Variants in ATP1B1 observed in about 807,000 individuals in gnomAD.
ATP1B1 encodes sodium/potassium-transporting ATPase subunit beta-1.
A neutral mutation model predicts 39.6 loss-of-function variants in ATP1B1; 3 were observed. The observed-to-expected ratio is 0.08, with a 90% confidence interval of 0.03 to 0.20. ATP1B1 has a LOEUF of 0.20. Among genes scored for constraint, ATP1B1 ranks in the 10% least tolerant of loss-of-function variants. The probability of loss-of-function intolerance (pLI) is 1.00; values close to 1 mark genes in which losing one functional copy is unlikely to be tolerated. For synonymous variants in ATP1B1, 139 were observed against 135.0 expected, an observed-to-expected ratio of 1.03 and a Z score of -0.20; for missense variants, 216 against 371.1, an observed-to-expected ratio of 0.58 and a Z score of 3.43.
At chr1:169,123,148 A>G (rs1320076863) in intron 2 of ATP1B1, among the ~76,000 whole-genome samples, 1 of 152,190 alleles carries the variant, frequency 6.6e-6, no homozygotes, top group East Asian at 1.9e-4. Context: ...GCTGCACTCT[A>G]GTTATCACTT....
chr1:169,116,846 C>T (rs1217276458), intron 2 of ATP1B1, among the ~76,000 whole-genome samples: 1 of 150,596 alleles, frequency 6.6e-6, no homozygotes, highest in Non-Finnish European at 1.5e-5. Flanking sequence ...AGCAAGACTC[C>T]ATCTAAAAAA....
chr1:169,118,426 T>C (rs1166187641), intron 2 of ATP1B1, among the ~76,000 whole-genome samples: 1 of 152,192 alleles, frequency 6.6e-6, no homozygotes, highest in African/African-American at 2.4e-5. Context: ...CTTGCTAATC[T>C]CAGAGCCTGA....
Position 169,116,210 on chromosome 1 carries a change from A to G in ATP1B1, c.226+4712A>G, listed in dbSNP as rs560371617. Among the ~76,000 whole-genome samples the G allele has an allele frequency of 1.2e-4, 19 of 152,306 alleles. 1 individual carries two copies. The South Asian group carries it at 3.9e-3, about 32-fold the overall frequency. On this transcript the variant is annotated intron_variant, in intron 2 of 5. Coordinates refer to ENST00000367815, the MANE Select transcript of ATP1B1 (RefSeq NM_001677.4). ...GAAAAGTCTCTTCTTCACATCCGCC[A>G]TTGCCCTTCCCCCACCTCAGGCTCA...
At chr1:169,125,366 T>C (rs2101789881) in intron 3 of ATP1B1, among the ~76,000 whole-genome samples, 1 of 152,328 alleles carries the variant, frequency 6.6e-6, no homozygotes, top group East Asian at 1.9e-4. Context: ...TATTTCCTTA[T>C]CTTCCCCCAA....
intron 2 of ATP1B1, among the ~76,000 whole-genome samples, chr1:169,121,557 G>C (rs1317253915): frequency 6.6e-6 from 1 of 152,132 alleles, no homozygotes; most frequent in Non-Finnish European, 1.5e-5. Flanking sequence ...CTGAGAAATG[G>C]CATCACTATT....
intron 2 of ATP1B1, among the ~76,000 whole-genome samples, chr1:169,112,047 T>C (rs568302651): frequency 7.9e-5 from 12 of 152,346 alleles, no homozygotes; most frequent in African/African-American, 2.6e-4. Context: ...TCCCACCTGC[T>C]GTTAATTTGC....
chr1:169,125,089 C>T, intron 3 of ATP1B1, 50 bp downstream of exon 3: 7 of 1,525,706 alleles, frequency 4.6e-6, no homozygotes, highest in Non-Finnish European at 6.2e-6. Flanking sequence ...TTCTCTTTAA[C>T]TCTTATTTCC....
rs527987469 is a variant in ATP1B1 at position 169,116,711 on chromosome 1, C to T, written c.226+5213C>T. Among the ~76,000 whole-genome samples the T allele has an allele frequency of 1.4e-4, 21 of 152,068 alleles. 1 individual carries two copies. The South Asian group carries it at 4.0e-3, about 29-fold the overall frequency. Reference sequence around the variant, plus strand: ...ACTAAAAATACAAAACTTAGCTAGGCGTGATGGCAGGCACCTCTAATCCCA... The same window carrying T: ...ACTAAAAATACAAAACTTAGCTAGGTGTGATGGCAGGCACCTCTAATCCCA... On this transcript the variant is annotated intron_variant, in intron 2 of 5. Coordinates refer to ENST00000367815, the MANE Select transcript of ATP1B1 (RefSeq NM_001677.4).
At chr1:169,109,895 G>C (rs535455970) in intron 1 of ATP1B1, among the ~76,000 whole-genome samples, 1 of 152,022 alleles carries the variant, frequency 6.6e-6, no homozygotes, top group East Asian at 1.9e-4. Flanking sequence ...ATCTCTTGAC[G>C]TCACAGCGTT....
intron 1 of ATP1B1, among the ~76,000 whole-genome samples, chr1:169,109,319 T>C (rs1385800503): frequency 6.6e-6 from 1 of 152,186 alleles, no homozygotes; most frequent in Non-Finnish European, 1.5e-5. Flanking sequence ...CTCTGAAGCC[T>C]CTCAGCTCCC....
Position 169,123,611 on chromosome 1 carries a change from CTCTA to C in ATP1B1, c.227-1259_227-1256del, listed in dbSNP as rs553979831. ...TATATATATATATATTTATATATAT[CTCTA>C]TCTATCTATCTATATATATAGGTTT... is the stretch of plus-strand genomic sequence containing the variant. On this transcript the variant is annotated intron_variant, in intron 2 of 5. Coordinates refer to ENST00000367815, the MANE Select transcript of ATP1B1 (RefSeq NM_001677.4). Among the ~76,000 whole-genome samples, 81 of 150,032 alleles carry C rather than the reference CTCTA, an allele frequency of 5.4e-4. 1 individual carries two copies. In the East Asian group the frequency reaches 0.013, roughly 24 times the overall value.
chr1:169,119,891 A>G (rs901795368), intron 2 of ATP1B1, among the ~76,000 whole-genome samples: 8 of 151,986 alleles, frequency 5.3e-5, no homozygotes, highest in Admixed American at 3.9e-4. Flanking sequence ...TGATAATCCT[A>G]AAGTAAATGA....
At chr1:169,123,228 A>G (rs1658018118) in intron 2 of ATP1B1, among the ~76,000 whole-genome samples, 1 of 152,182 alleles carries the variant, frequency 6.6e-6, no homozygotes. Context: ...AATTCCCTAG[A>G]GAAGCAGTTG....
chr1:169,110,966 C>T (rs1479154898), intron 1 of ATP1B1, among the ~76,000 whole-genome samples: 2 of 152,156 alleles, frequency 1.3e-5, no homozygotes, highest in East Asian at 3.8e-4. Flanking sequence ...AAACATAGGT[C>T]TCTAAGGGAG....
chr1:169,129,723 A>G (rs1034817161), intron 4 of ATP1B1, among the ~76,000 whole-genome samples: 8 of 152,388 alleles, frequency 5.2e-5, no homozygotes, highest in African/African-American at 1.9e-4. Flanking sequence ...GTCTTTAAGC[A>G]AAGCTTATAA....
intron 2 of ATP1B1, among the ~76,000 whole-genome samples, chr1:169,123,607 A>T (rs1397118389): frequency 6.7e-6 from 1 of 150,102 alleles, no homozygotes. Context: ...ATATTTATAT[A>T]TATCTCTATC....
intron 1 of ATP1B1, among the ~76,000 whole-genome samples, chr1:169,110,382 G>T (rs556954345): frequency 6.6e-6 from 1 of 152,064 alleles, no homozygotes; most frequent in Non-Finnish European, 1.5e-5. Flanking sequence ...TTGTGCAGTC[G>T]TGCTTCTGAC....
At chr1:169,130,626 C>T (rs558077466) in intron 5 of ATP1B1, among the ~76,000 whole-genome samples, 2 of 151,720 alleles carry the variant, frequency 1.3e-5, no homozygotes, top group East Asian at 3.9e-4. Context: ...GTCTCTACTA[C>T]ACATACAAAA....
chr1:169,132,048 TG>T lies in ATP1B1; in HGVS notation c.*495del. The T allele has an allele frequency of 3.6e-6, 1 of 274,384 alleles. No homozygotes were observed. Among genetic ancestry groups the T allele is most frequent in the South Asian group, 4.0e-5 (1 of 24,716 alleles). The allele number at this position is 274,384 out of a possible 1,614,324, so 17.0% of individuals were successfully genotyped here. A position where few individuals can be genotyped will look rare whatever the true frequency, so the allele number is the denominator to read the frequency against. On this transcript the variant is annotated 3_prime_UTR_variant, in exon 6 of 6. Coordinates refer to ENST00000367815, the MANE Select transcript of ATP1B1 (RefSeq NM_001677.4). ...TTTTTTTTTTTTTTTTTTTGTTTTT[TG>T]GCTCTTTCAAAGGTAATGGCCCATC... is the stretch of plus-strand genomic sequence containing the variant.
Sources: gnomAD v4.1 joint callset for allele counts (sites outside exome capture counted in the v4.1 genomes callset) on GRCh38, gnomAD v4.1.1 for gene constraint, MANE v1.5 for transcripts, NCBI Gene and HGNC (gene_info 2026-07-23, HGNC 2026-07-21) for gene names.